Variants in ATPAF2 observed in about 807,000 individuals in gnomAD.
ATPAF2 encodes ATP12 homolog.
Under a neutral mutation model 36.6 loss-of-function variants are expected in ATPAF2, and 30 were observed. That is an observed-to-expected ratio of 0.82 (90% CI 0.61 to 1.11). The LOEUF is 1.11. Ranked by LOEUF, ATPAF2 falls within the 50% of genes most tolerant of loss-of-function variation. The pLI, the probability that ATPAF2 is intolerant of heterozygous loss-of-function variation, is 0.00. For missense variants in ATPAF2, 321 were observed against 372.3 expected, an observed-to-expected ratio of 0.86 and a Z score of 1.13; for synonymous variants, 140 against 152.6, an observed-to-expected ratio of 0.92 and a Z score of 0.61.
chr17:18,017,856 T>C (rs549954790), downstream of ATPAF2, among the ~76,000 whole-genome samples: 3 of 152,308 alleles, frequency 2.0e-5, no homozygotes, highest in East Asian at 5.8e-4. Context: ...AGGAGGACCC[T>C]TAGGACTCCT....
chr17:18,028,425 A>G (rs2044579454), intron 2 of ATPAF2, 48 bp from the exon 3 acceptor site: 2 of 1,607,332 alleles, frequency 1.2e-6, no homozygotes, highest in Non-Finnish European at 1.7e-6. Context: ...AAGTGGAATC[A>G]AGTGACCATT....
chr17:18,025,823 G>C (rs888929673), intron 4 of ATPAF2, among the ~76,000 whole-genome samples: 4 of 152,214 alleles, frequency 2.6e-5, no homozygotes, highest in Non-Finnish European at 1.5e-5. Flanking sequence ...GAGCACTTGG[G>C]CTAGCAGGCA....
At chr17:18,033,359 C>CT in intron 1 of ATPAF2, among the ~76,000 whole-genome samples, 1 of 139,224 alleles carries the variant, frequency 7.2e-6, no homozygotes, top group South Asian at 2.3e-4. Context: ...GAGACTCTGT[C>CT]TCAAAAAAAA....
chr17:18,016,111 C>T (rs755155187), downstream of ATPAF2: 45 of 1,613,772 alleles, frequency 2.8e-5, no homozygotes, highest in East Asian at 1.1e-4. Flanking sequence ...GGGCATCGCA[C>T]GACATCCACC....
At chr17:18,026,155 TC>T in intron 4 of ATPAF2, 163 bp downstream of exon 4, 1 of 718,796 alleles carries the variant, frequency 1.4e-6, no homozygotes, top group Non-Finnish European at 2.5e-6. Flanking sequence ...CGAGGAGTCC[TC>T]CTCCTAAGGG....
chr17:18,016,592 G>T, downstream of ATPAF2: 1 of 1,613,862 alleles, frequency 6.2e-7, no homozygotes, highest in Non-Finnish European at 8.5e-7. Context: ...AACCGCAAGC[G>T]CGTGAAGGAG....
chr17:18,018,989 T>G (rs2044426386), intron 7 of ATPAF2, among the ~76,000 whole-genome samples: 1 of 151,942 alleles, frequency 6.6e-6, no homozygotes, highest in Non-Finnish European at 1.5e-5. Context: ...GGTTTAAAAA[T>G]TAGCTGGGTG....
In ATPAF2 at chr17:18,018,674, C is replaced by T. The variant is rs761917418; in HGVS notation, c.745G>A (p.Gly249Ser). 6.2e-7 allele frequency: 1 copy of T among 1,614,050 alleles called. No homozygotes were observed. The highest frequency in any genetic ancestry group is 2.2e-5 in the East Asian group (1 of 44,866). The change falls in exon 8 of 8, where the codon GGC (glycine) becomes AGC (serine). Residue 249 changes from glycine (G) to serine (S), a missense_variant. Transcript: ENST00000474627. ...TAGTCATGGGCCCACTCAATGTTGC[C>T]CCACTTCTGGATCTGAGGGAAGGAC... Reference protein sequence around the residue: ...LEEEYQIQKWGNIEWAHDYEL... With the variant: ...LEEEYQIQKWSNIEWAHDYEL...
In ATPAF2 at chr17:18,018,423, C is replaced by A; in HGVS notation, c.*126G>T. 1 of 1,363,810 alleles carries A rather than the reference C, an allele frequency of 7.3e-7. No individual in the cohort carries two copies. Among genetic ancestry groups the A allele is most frequent in the Non-Finnish European group, 1.0e-6 (1 of 970,310 alleles). The allele number at this position is 1,363,810 out of a possible 1,614,324, so 84.5% of individuals were successfully genotyped here. On this transcript the variant is annotated 3_prime_UTR_variant, in exon 8 of 8. Coordinates refer to ENST00000474627, the MANE Select transcript of ATPAF2 (RefSeq NM_145691.4). The stretch of plus-strand genomic sequence containing the variant: ...GCGCACTGTGTCTCGGGGGGAATCT[C>A]AGGGTGACGCTGAGGCCGAGTCCCC...
At chr17:18,026,551 C>T in intron 3 of ATPAF2, 135 bp from the exon 4 acceptor site, 1 of 754,098 alleles carries the variant, frequency 1.3e-6, no homozygotes, top group Non-Finnish European at 2.4e-6. Context: ...GTCTGCATTA[C>T]CGGAGCAGCA....
chr17:18,022,897 G>A (rs547601096), intron 5 of ATPAF2, among the ~76,000 whole-genome samples: 33 of 151,976 alleles, frequency 2.2e-4, no homozygotes, highest in Non-Finnish European at 2.9e-4. Flanking sequence ...AGGCCGAGGC[G>A]GGCGGATCAC....
At chr17:18,032,131 G>C (rs2044645631) in intron 1 of ATPAF2, among the ~76,000 whole-genome samples, 1 of 152,210 alleles carries the variant, frequency 6.6e-6, no homozygotes, top group Non-Finnish European at 1.5e-5. Context: ...CAACACTGGG[G>C]AAAGGGTCTT....
intron 1 of ATPAF2, among the ~76,000 whole-genome samples, chr17:18,038,508 TCAGA>T (rs999752363): frequency 1.2e-4 from 19 of 152,154 alleles, no homozygotes; most frequent in African/African-American, 4.3e-4. Flanking sequence ...CGGAAAACAG[TCAGA>T]CAGACACCAC....
rs901690944 is a variant in ATPAF2, at chr17:18,030,971, C to A, written c.134-2312G>T. ...TGCAGGCGTGAGCCACCGCGCCTGG[C>A]CTTTTTTTTTTTTTTTTTTGAGATG... On this transcript the variant is annotated intron_variant, in intron 1 of 7. Coordinates refer to ENST00000474627, the MANE Select transcript of ATPAF2 (RefSeq NM_145691.4). Among the ~76,000 whole-genome samples, 385 of 119,806 alleles carry A rather than the reference C, an allele frequency of 3.2e-3. 11 individuals carry two copies. Among genetic ancestry groups the A allele is most frequent in the East Asian group, 1.9e-3 (7 of 3,754 alleles). 78.6% of individuals were successfully genotyped at this position (119,806 alleles called of 152,430 possible).
Position 18,021,228 on chromosome 17 carries a change from A to C in ATPAF2, c.627T>G (p.Phe209Leu), listed in dbSNP as rs863223910. Reference protein sequence around the residue: ...YNTWALQGIEFVAAQLKSMVL... With the variant: ...YNTWALQGIELVAAQLKSMVL... ...CCATGGACTTGAGCTGGGCAGCTAC[A>C]AACTCAATCCCTGCAGGGACACAAG... Residue 209 changes from phenylalanine to leucine, a missense_variant, in exon 7 of 8, where the codon TTT (phenylalanine) becomes TTG (leucine). By Grantham distance (22) the Phe-to-Leu change is conservative. Transcript: ENST00000474627. The C allele has an allele frequency of 1.5e-5, 25 of 1,613,144 alleles. No homozygotes were observed. Among genetic ancestry groups the C allele is most frequent in the Non-Finnish European group, 2.0e-5 (24 of 1,179,736 alleles).
Position 18,021,858 on chromosome 17 carries a change from C to G in ATPAF2, c.504-1G>C, listed in dbSNP as rs1311035511. On this transcript the variant is annotated splice_acceptor_variant, in intron 5 of 7. Transcript: ENST00000474627. LOFTEE classifies it high-confidence loss of function. ...GGAGGAGCTGATCTCCACGCCGTAT[C>G]TGAAAGGAAAAGGGCTTCGGCATGT... 1.9e-6 allele frequency: 3 copies of G among 1,613,734 alleles called. No individual in the cohort carries two copies. The highest frequency in any genetic ancestry group is 2.5e-6 in the Non-Finnish European group (3 of 1,179,788).
intron 5 of ATPAF2, among the ~76,000 whole-genome samples, chr17:18,022,836 C>A (rs898803506): frequency 1.3e-5 from 2 of 152,014 alleles, no homozygotes; most frequent in Non-Finnish European, 1.5e-5. Flanking sequence ...TTAAAAAAAT[C>A]CGGCTGGGGC....
Position 18,039,162 on chromosome 17 carries a change from TC to T in ATPAF2, c.-150del. ...CAACCTCCCTTGGACGCCGCCATCTTCCGCATGACACCTACGGCGCGCCGTC... is the reference window on the plus strand; with the variant it reads ...CAACCTCCCTTGGACGCCGCCATCTTCGCATGACACCTACGGCGCGCCGTC... On this transcript the variant is annotated 5_prime_UTR_variant, in exon 1 of 8. The change abolishes the stop of an existing upstream ORF in the 5' untranslated region. Coordinates refer to ENST00000474627, the MANE Select transcript of ATPAF2 (RefSeq NM_145691.4). The surrounding 1 kb of genome is among the most constrained non-coding windows in gnomAD (Gnocchi z 5.3). 1 of 1,162,332 alleles carries T rather than the reference TC, an allele frequency of 8.6e-7. No individual in the cohort carries two copies. Among genetic ancestry groups the T allele is most frequent in the Non-Finnish European group, 1.2e-6 (1 of 813,738 alleles). 72.0% of individuals were successfully genotyped at this position (1,162,332 alleles called of 1,614,324 possible).
chr17:18,018,475 G>T lies in ATPAF2; in HGVS notation c.*74C>A. On this transcript the variant is annotated 3_prime_UTR_variant, in exon 8 of 8. Transcript: ENST00000474627. ...AAAGCCAAGGAAGCCAGCCCCACAG[G>T]CTGGGGAGCCCTGAAGGCCGGGGGA... 6.3e-7 allele frequency: 1 copy of T among 1,599,380 alleles called. No individual in the cohort carries two copies. Among genetic ancestry groups the T allele is most frequent in the East Asian group, 2.2e-5 (1 of 44,842 alleles).
Sources: gnomAD v4.1 joint callset for allele counts (sites outside exome capture counted in the v4.1 genomes callset) on GRCh38, gnomAD v4.1.1 for gene constraint, Gnocchi (gnomAD v3.1) non-coding constraint, MANE v1.5 for transcripts, NCBI Gene and HGNC (gene_info 2026-07-23, HGNC 2026-07-21) for gene names.